Variants in SPAG6 observed in about 807,000 individuals in gnomAD.
The protein encoded by SPAG6 is sperm-associated antigen 6.
A neutral mutation model predicts 58.5 loss-of-function variants in SPAG6; 49 were observed. The observed-to-expected ratio is 0.84, with a 90% CI of 0.67 to 1.06. The LOEUF is 1.06. SPAG6 is among the 50% of genes least tolerant of loss of function. SPAG6 has a pLI of 0.00. For synonymous variants in SPAG6, 233 were observed against 225.6 expected, an observed-to-expected ratio of 1.03 and a Z score of -0.29; for missense variants, 560 against 611.3, an observed-to-expected ratio of 0.92 and a Z score of 0.89.
intron 6 of SPAG6, 64 bp downstream of exon 6, chr10:22,388,060 C>G: frequency 7.5e-7 from 1 of 1,341,764 alleles, no homozygotes; most frequent in Non-Finnish European, 1.0e-6. Context: ...AATAAAACAT[C>G]AATTTGTTTA....
At chr10:22,399,827 T>A (rs1834370343) in intron 8 of SPAG6, among the ~76,000 whole-genome samples, 1 of 152,212 alleles carries the variant, frequency 6.6e-6, no homozygotes, top group Admixed American at 6.5e-5. Flanking sequence ...TTAAATTTGT[T>A]AGCTTGCTAA....
intron 4 of SPAG6, among the ~76,000 whole-genome samples, chr10:22,384,659 A>G (rs1834028315): frequency 6.6e-6 from 1 of 152,190 alleles, no homozygotes; most frequent in African/African-American, 2.4e-5. Flanking sequence ...TGCTAGGCCC[A>G]CTTTAGGTCC....
At chr10:22,384,890 G>A (rs7072212) in intron 4 of SPAG6, among the ~76,000 whole-genome samples, 22,903 of 152,148 alleles carry the variant, frequency 0.15, 5,103 homozygotes, top group African/African-American at 0.49. Flanking sequence ...TATAAAGATA[G>A]ATAATAGATG....
At chr10:22,376,110 CAACTT>C (rs552610061) in intron 4 of SPAG6, among the ~76,000 whole-genome samples, 409 of 152,108 alleles carry the variant, frequency 2.7e-3, no homozygotes, top group Non-Finnish European at 5.0e-3. Context: ...AATTGATACT[CAACTT>C]AGTTATTTAA....
At chr10:22,402,930 G>C (rs1191979878) in intron 9 of SPAG6, among the ~76,000 whole-genome samples, 2 of 152,066 alleles carry the variant, frequency 1.3e-5, no homozygotes, top group African/African-American at 2.4e-5. Flanking sequence ...GTTTCATTTT[G>C]TAGTTTAATC....
In SPAG6 at chr10:22,416,687, G is replaced by T; in HGVS notation, c.1529G>T (p.Ter510LeuextTer20). ...GACAGCTATCAACCACTTAATAACTGAGCAAAGTTATATTGTGATACTCAA... is the reference window on the plus strand; with the variant it reads ...GACAGCTATCAACCACTTAATAACTTAGCAAAGTTATATTGTGATACTCAA... ...RVDSYQPLNN[*>L] Residue 510 changes from the stop codon to leucine, a stop_lost, in exon 11 of 11, where the codon TGA becomes TTA. Transcript: ENST00000376624. 1 of 1,582,282 alleles carries T rather than the reference G, an allele frequency of 6.3e-7. No homozygotes were observed. Among genetic ancestry groups the T allele is most frequent in the Non-Finnish European group, 8.7e-7 (1 of 1,151,826 alleles).
intron 3 of SPAG6, among the ~76,000 whole-genome samples, chr10:22,367,971 G>A (rs1186674446): frequency 3.3e-5 from 5 of 152,136 alleles, no homozygotes; most frequent in South Asian, 2.1e-4. Context: ...TTTGATGATT[G>A]TAAGCACATT....
rs757713280 is a variant in SPAG6, at chr10:22,368,537, G to A, written c.331G>A (p.Gly111Ser). Residue 111 changes from glycine to serine, a missense_variant, in exon 4 of 11, where the codon GGT (glycine) becomes AGT (serine). Coordinates refer to ENST00000376624, the MANE Select transcript of SPAG6 (RefSeq NM_012443.4). The part of the protein sequence containing the change: ...KAAAFVLRAV[G>S]KHSPQLAQAI... ...AGCTGCCTTTGTGTTACGAGCAGTT[G>A]GTAAACATTCTCCCCAGCTAGCTCA... is the stretch of plus-strand genomic sequence containing the variant. 1 of 1,613,924 alleles carries A rather than the reference G, an allele frequency of 6.2e-7. No individual in the cohort carries two copies. The highest frequency in any genetic ancestry group is 1.1e-5 in the South Asian group (1 of 91,056).
chr10:22,374,450 G>A (rs1833772106), intron 4 of SPAG6, among the ~76,000 whole-genome samples: 1 of 152,014 alleles, frequency 6.6e-6, no homozygotes, highest in Admixed American at 6.6e-5. Flanking sequence ...AATGCATTGA[G>A]TGACTATACA....
intron 9 of SPAG6, among the ~76,000 whole-genome samples, chr10:22,409,324 T>A (rs1834661127): frequency 6.6e-6 from 1 of 152,252 alleles, no homozygotes; most frequent in Non-Finnish European, 1.5e-5. Flanking sequence ...ATTACATTTT[T>A]TACAAATATA....
intron 4 of SPAG6, among the ~76,000 whole-genome samples, chr10:22,383,047 G>A (rs1035349652): frequency 6.6e-6 from 1 of 152,108 alleles, no homozygotes; most frequent in Non-Finnish European, 1.5e-5. Context: ...ATTGTGTAAT[G>A]GAAGATATAT....
At chr10:22,395,262 C>T (rs1391982490) in intron 8 of SPAG6, among the ~76,000 whole-genome samples, 1 of 152,114 alleles carries the variant, frequency 6.6e-6, no homozygotes, top group Non-Finnish European at 1.5e-5. Flanking sequence ...TGGGTATTTA[C>T]CCAGGGATGA....
At position 22,416,629 on chromosome 10, in the gene SPAG6, C is replaced by T; in HGVS notation, c.1471C>T (p.Pro491Ser). 1 of 1,603,710 alleles carries T rather than the reference C, an allele frequency of 6.2e-7. No individual in the cohort carries two copies. The highest frequency in any genetic ancestry group is 8.5e-7 in the Non-Finnish European group (1 of 1,171,134). Residue 491 changes from proline to serine, a missense_variant, in exon 11 of 11, where the codon CCT becomes TCT. Physicochemically the swap from Pro to Ser is moderately conservative, Grantham distance 74. Coordinates refer to ENST00000376624, the MANE Select transcript of SPAG6 (RefSeq NM_012443.4). ...YPEEIVRYYS[P>S]GYSDTLLQRV... The stretch of plus-strand genomic sequence containing the variant: ...TATTTTCTTTTTCAGGTATTATTCC[C>T]CTGGATATTCAGATACACTTCTGCA...
chr10:22,394,824 A>C (rs776629901), intron 8 of SPAG6, among the ~76,000 whole-genome samples: 5 of 152,168 alleles, frequency 3.3e-5, no homozygotes, highest in Non-Finnish European at 7.3e-5. Context: ...CTCCTGCCTT[A>C]GCCTCCCAAG....
chr10:22,396,048 A>C (rs1353753224), intron 8 of SPAG6, among the ~76,000 whole-genome samples: 1 of 152,198 alleles, frequency 6.6e-6, no homozygotes, highest in Non-Finnish European at 1.5e-5. Context: ...CATGAAACTT[A>C]CAATCATGGC....
rs1834725350 is a variant in SPAG6 at position 22,411,194 on chromosome 10, T to C, written c.1460+18T>C. On this transcript the variant is annotated intron_variant, in intron 10 of 10. Transcript: ENST00000376624. ...ATAGTGAGGTGGGGAAAATGGACTT[T>C]GAAACGTTCAATATTAGAATGTAGT... 6.3e-7 allele frequency: 1 copy of C among 1,592,918 alleles called. No individual in the cohort carries two copies. The highest frequency in any genetic ancestry group is 1.8e-5 in the Admixed American group (1 of 56,412).
chr10:22,394,005 G>A (rs1435518271), intron 8 of SPAG6, among the ~76,000 whole-genome samples: 3 of 152,132 alleles, frequency 2.0e-5, no homozygotes, highest in Non-Finnish European at 4.4e-5. Context: ...GCAGGAGAAC[G>A]AATGAGCAAT....
chr10:22,355,745 C>A (rs944772590), intron 2 of SPAG6, among the ~76,000 whole-genome samples: 2 of 152,070 alleles, frequency 1.3e-5, no homozygotes, highest in Non-Finnish European at 1.5e-5. Flanking sequence ...TTTGTAATTT[C>A]TTAATCAAAT....
At chr10:22,411,201 T>C in intron 10 of SPAG6, 25 bp downstream of exon 10, 1 of 1,586,520 alleles carries the variant, frequency 6.3e-7, no homozygotes, top group South Asian at 1.2e-5. Context: ...CTTTGAAACG[T>C]TCAATATTAG....
Sources: allele counts gnomAD v4.1 joint callset (sites outside exome capture counted in the v4.1 genomes callset), GRCh38; gene constraint gnomAD v4.1.1; transcripts MANE v1.5; gene names NCBI Gene and HGNC (gene_info 2026-07-23, HGNC 2026-07-21).